Variants in SEMA3D observed in about 807,000 individuals in gnomAD.
SEMA3D encodes semaphorin-3D.
A neutral mutation model predicts 100.1 loss-of-function variants in SEMA3D; 84 were observed. The observed-to-expected ratio is 0.84, with a 90% CI of 0.70 to 1.01. The LOEUF (loss-of-function observed/expected upper bound fraction) is 1.01, where lower values mean the gene tolerates loss of function less well. SEMA3D is among the 50% of genes least tolerant of loss of function. The pLI is 0.00. For synonymous variants in SEMA3D, 312 were observed against 320.7 expected (o/e 0.97, Z 0.29); for missense variants, 875 against 934.1 (o/e 0.94, Z 0.82).
At chr7:85,229,335 A>T in the SEMA3D span, among the ~76,000 whole-genome samples, 1 of 152,038 alleles carries the variant, frequency 6.6e-6, no homozygotes, top group Non-Finnish European at 1.5e-5. Flanking sequence ...ATTAATAAAA[A>T]ACTGTCTTGG....
intron 2 of SEMA3D, chr7:85,142,143 C>A (rs1301034527): frequency 1.0e-6 from 1 of 984,314 alleles, no homozygotes; most frequent in African/African-American, 1.7e-5. Context: ...TGACATATAT[C>A]AACATTGCTG....
At chr7:85,028,930 C>G (rs924560774) in intron 12 of SEMA3D, 1 of 269,196 alleles carries the variant, frequency 3.7e-6, no homozygotes, top group South Asian at 5.0e-5. Context: ...CCTCATGAAG[C>G]TGTTGCTTAT....
chr7:85,036,931 C>G lies in SEMA3D; in HGVS notation c.1149G>C (p.Trp383Cys). 6.2e-7 allele frequency: 1 copy of G among 1,613,132 alleles called. No homozygotes were observed. The highest frequency in any genetic ancestry group is 8.5e-7 in the Non-Finnish European group (1 of 1,179,366). ...AAGGAATTCTCCCATCATACTGCAC[C>G]CAACGATGGTCTGCACTTTCCTTAT... ...YAHKESADHRWVQYDGRIPYP... is the reference protein window; with the variant it reads ...YAHKESADHRCVQYDGRIPYP... Residue 383 changes from tryptophan (W) to cysteine (C), a missense_variant, in exon 12 of 19, where the codon TGG becomes TGC. By Grantham distance (215) the Trp-to-Cys change is radical. Coordinates refer to ENST00000284136, the MANE Select transcript of SEMA3D (RefSeq NM_001384900.1).
In SEMA3D at chr7:84,995,937, A is replaced by G. The variant is rs935596086; in HGVS notation, c.*3503T>C. On this transcript the variant is annotated 3_prime_UTR_variant, in exon 19 of 19. Coordinates refer to ENST00000284136, the MANE Select transcript of SEMA3D (RefSeq NM_001384900.1). The stretch of plus-strand genomic sequence containing the variant: ...TTATTTAAAATTGTGATCATTTACT[A>G]TGATAAAAATACATCTCCTATAAAA... 1 of 151,494 alleles carries G rather than the reference A, an allele frequency of 6.6e-6. No homozygotes were observed. Among genetic ancestry groups the G allele is most frequent in the Non-Finnish European group, 1.5e-5 (1 of 67,766 alleles). The allele number at this position is 151,494 out of a possible 1,614,324, so 9.4% of individuals were successfully genotyped here.
chr7:85,020,130 G>C (rs557429180), intron 14 of SEMA3D, 103 bp downstream of exon 14: 15 of 717,568 alleles, frequency 2.1e-5, no homozygotes, highest in South Asian at 3.6e-5. Flanking sequence ...AATTTCAAAG[G>C]CTTCTTCAGG....
chr7:85,197,263 T>G, the SEMA3D span, among the ~76,000 whole-genome samples: 7 of 152,162 alleles, frequency 4.6e-5, no homozygotes, highest in African/African-American at 1.7e-4. Flanking sequence ...GCCTAGCACC[T>G]TTTAAATATC....
Position 85,151,587 on chromosome 7 carries a change from A to C in SEMA3D, c.-41+2021T>G, listed in dbSNP as rs556304749. 6.6e-6 allele frequency: 6 copies of C among 909,342 alleles called. No individual in the cohort carries two copies. In the Admixed American group the frequency reaches 5.1e-4, roughly 77 times the overall value. The allele number at this position is 909,342 out of a possible 1,614,324, so 56.3% of individuals were successfully genotyped here. On this transcript the variant is annotated intron_variant, in intron 2 of 18. Coordinates refer to ENST00000284136, the MANE Select transcript of SEMA3D (RefSeq NM_001384900.1). ...AGCACCGTAGTTGATGTGTGTATGC[A>C]TGTGTGTATGCGTGTGTGTGTGTGT...
At chr7:85,145,426 T>C (rs145118009) in intron 2 of SEMA3D, among the ~76,000 whole-genome samples, 1 of 152,206 alleles carries the variant, frequency 6.6e-6, no homozygotes, top group African/African-American at 2.4e-5. Context: ...TATGCTATCA[T>C]TGTTAGTTAT....
chr7:85,212,944 C>G, the SEMA3D span, among the ~76,000 whole-genome samples: 165 of 151,936 alleles, frequency 1.1e-3, 1 homozygote, highest in Non-Finnish European at 2.0e-3. Flanking sequence ...AAATATTGCC[C>G]AGAAGAAAGC....
chr7:85,234,039 AT>A, the SEMA3D span, among the ~76,000 whole-genome samples: 1 of 152,212 alleles, frequency 6.6e-6, no homozygotes, highest in Non-Finnish European at 1.5e-5. Context: ...ATGTTAGAGA[AT>A]GTATTCTTGA....
At chr7:85,239,121 T>C in the SEMA3D span, among the ~76,000 whole-genome samples, 1 of 152,300 alleles carries the variant, frequency 6.6e-6, no homozygotes, top group South Asian at 2.1e-4. Context: ...TCTCAAATGT[T>C]AAAGTGTGTT....
intron 12 of SEMA3D, among the ~76,000 whole-genome samples, chr7:85,026,418 A>AT (rs1388464488): frequency 2.0e-5 from 3 of 152,064 alleles, no homozygotes; most frequent in East Asian, 3.9e-4. Flanking sequence ...TTTTCCACAG[A>AT]TTTTGAATTA....
At chr7:85,015,798 GA>G (rs1482508670) in intron 15 of SEMA3D, among the ~76,000 whole-genome samples, 1 of 151,712 alleles carries the variant, frequency 6.6e-6, no homozygotes, top group Non-Finnish European at 1.5e-5. Flanking sequence ...GCATGATACT[GA>G]AAAACCCAGC....
At chr7:85,005,937 T>A (rs1789784120) in intron 18 of SEMA3D, among the ~76,000 whole-genome samples, 1 of 152,050 alleles carries the variant, frequency 6.6e-6, no homozygotes, top group Admixed American at 6.6e-5. Context: ...AAGGCTGATA[T>A]TTTAGAGAAA....
intron 1 of SEMA3D, among the ~76,000 whole-genome samples, chr7:85,184,165 A>C (rs765457979): frequency 6.6e-6 from 1 of 152,190 alleles, no homozygotes; most frequent in Non-Finnish European, 1.5e-5. Flanking sequence ...TGTTCTCCAC[A>C]TGTAAATGAT....
intron 8 of SEMA3D, among the ~76,000 whole-genome samples, chr7:85,061,393 T>C (rs1193514574): frequency 1.3e-5 from 2 of 152,128 alleles, no homozygotes; most frequent in East Asian, 1.9e-4. Context: ...CAGAACATAA[T>C]ATGCCATGCA....
intron 3 of SEMA3D, among the ~76,000 whole-genome samples, chr7:85,110,106 T>G (rs577697065): frequency 6.6e-6 from 1 of 152,102 alleles, no homozygotes; most frequent in Non-Finnish European, 1.5e-5. Flanking sequence ...TAGCCCTTAG[T>G]GATTTTTATG....
At chr7:85,000,388 A>T (rs1789623510) in intron 18 of SEMA3D, among the ~76,000 whole-genome samples, 1 of 152,198 alleles carries the variant, frequency 6.6e-6, no homozygotes, top group African/African-American at 2.4e-5. Flanking sequence ...TGCTTTCCAG[A>T]TATCACCAAA....
rs774929827 is a variant in SEMA3D at position 85,036,924 on chromosome 7, A to C, written c.1156T>G (p.Tyr386Asp). 2 of 1,613,396 alleles carry C rather than the reference A, an allele frequency of 1.2e-6. No individual in the cohort carries two copies. The highest frequency in any genetic ancestry group is 1.7e-6 in the Non-Finnish European group (2 of 1,179,488). ...CGTGGATAAGGAATTCTCCCATCAT[A>C]CTGCACCCAACGATGGTCTGCACTT... ...KESADHRWVQ[Y>D]DGRIPYPRPG... Residue 386 changes from tyrosine to aspartate, a missense_variant, in exon 12 of 19, where the codon TAT (tyrosine) becomes GAT (aspartate). Transcript: ENST00000284136.
Sources: allele counts gnomAD v4.1 joint callset (sites outside exome capture counted in the v4.1 genomes callset), GRCh38; gene constraint gnomAD v4.1.1; transcripts MANE v1.5; gene names NCBI Gene and HGNC (gene_info 2026-07-23, HGNC 2026-07-21).